USP8: variants seen among roughly 807,000 people sequenced by gnomAD.
The protein encoded by USP8 is ubiquitin specific peptidase 8, also known as ubiquitin carboxyl-terminal hydrolase 8.
USP8 carries 27 observed loss-of-function variants against 130.0 expected under a neutral mutation model. The observed-to-expected ratio is 0.21, with a 90% CI of 0.15 to 0.29. The LOEUF is 0.29. Among genes scored for constraint, USP8 ranks in the 10% least tolerant of loss-of-function variants. The pLI is 1.00. For synonymous variants in USP8, 392 were observed against 444.1 expected (o/e 0.88, Z 1.48); for missense variants, 1,029 against 1,312.2 (o/e 0.78, Z 3.33).
chr15:50,462,383 T>G (rs944100802), intron 6 of USP8, 61 bp downstream of exon 6: 14 of 1,442,216 alleles, frequency 9.7e-6, no homozygotes, highest in African/African-American at 2.9e-5. Context: ...TTAATCAGAA[T>G]AAGCATCAGG....
chr15:50,478,697 T>C (rs2051657100), intron 10 of USP8, among the ~76,000 whole-genome samples: 2 of 152,204 alleles, frequency 1.3e-5, no homozygotes, highest in Admixed American at 1.3e-4. Flanking sequence ...TCCTTTTGTG[T>C]CCCAACATAA....
chr15:50,449,855 AC>A (rs1446061671), intron 4 of USP8, among the ~76,000 whole-genome samples: 1 of 145,148 alleles, frequency 6.9e-6, no homozygotes, highest in East Asian at 2.1e-4. Context: ...TGCTGGGATT[AC>A]AGGTGTGGGC....
intron 7 of USP8, among the ~76,000 whole-genome samples, chr15:50,469,829 C>T (rs1053972944): frequency 1.4e-5 from 2 of 146,586 alleles, no homozygotes; most frequent in African/African-American, 4.9e-5. Context: ...TTATTAAATC[C>T]AATTTTTTTT....
chr15:50,454,293 A>G (rs1261322466), intron 4 of USP8, among the ~76,000 whole-genome samples: 7 of 151,798 alleles, frequency 4.6e-5, no homozygotes, highest in Non-Finnish European at 8.8e-5. Context: ...GATATTAAGC[A>G]TTTTTCTGCC....
intron 4 of USP8, among the ~76,000 whole-genome samples, chr15:50,449,774 G>C (rs62019081): frequency 2.6e-5 from 4 of 151,354 alleles, no homozygotes; most frequent in East Asian, 1.9e-4. Context: ...GTAGAGACAG[G>C]GTTTCACCAT....
chr15:50,447,122 T>G lies in USP8; in HGVS notation c.250-2278T>G, dbSNP rs189412966. Among the ~76,000 whole-genome samples, 20 of 152,342 alleles carry G rather than the reference T, an allele frequency of 1.3e-4. No individual in the cohort carries two copies. In the East Asian group the frequency reaches 1.5e-3, roughly 12 times the overall value. On this transcript the variant is annotated intron_variant, in intron 3 of 19. Transcript: ENST00000307179. ...GCTCAGGTCCAGTTTTTCTAAGTTA[T>G]TTATAATAATATTTGTAAATGTCTG...
chr15:50,469,986 C>T (rs980260676), intron 7 of USP8, among the ~76,000 whole-genome samples: 1 of 152,114 alleles, frequency 6.6e-6, no homozygotes, highest in African/African-American at 2.4e-5. Context: ...CATGCACCAC[C>T]ACTTCCAGCT....
At chr15:50,486,803 G>A (rs1200021023) in intron 12 of USP8, among the ~76,000 whole-genome samples, 1 of 152,192 alleles carries the variant, frequency 6.6e-6, no homozygotes, top group African/African-American at 2.4e-5. Context: ...CTGCTCAGGT[G>A]ATGGGTGCAC....
At chr15:50,435,319 G>C (rs1452979565) in intron 1 of USP8, among the ~76,000 whole-genome samples, 3 of 152,140 alleles carry the variant, frequency 2.0e-5, no homozygotes, top group Non-Finnish European at 4.4e-5. Flanking sequence ...CATGTACAGA[G>C]TTTTTTCTTG....
intron 8 of USP8, among the ~76,000 whole-genome samples, chr15:50,474,971 T>C (rs969474953): frequency 2.6e-5 from 4 of 152,048 alleles, no homozygotes; most frequent in Admixed American, 1.3e-4. Context: ...TTGCCGGGCA[T>C]GATGGCGGGC....
At chr15:50,465,521 T>G (rs937514892) in intron 7 of USP8, among the ~76,000 whole-genome samples, 1 of 152,188 alleles carries the variant, frequency 6.6e-6, no homozygotes, top group African/African-American at 2.4e-5. Flanking sequence ...GTTACGGATT[T>G]GCCAACTTTT....
intron 7 of USP8, among the ~76,000 whole-genome samples, chr15:50,470,823 C>T (rs2051349956): frequency 1.3e-5 from 2 of 152,058 alleles, no homozygotes; most frequent in African/African-American, 4.8e-5. Flanking sequence ...GTCTTGAACT[C>T]CTGACCTCAG....
rs530161086 is a variant in USP8, at chr15:50,425,995, C to CAT, written c.-66+1481_-66+1482insAT. ...AATTAGCTGGGCGTGGTGGTGCACG[C>CAT]CTGTAGTCCCAGCTACTCTGGAGGC... On this transcript the variant is annotated intron_variant, in intron 1 of 19. Coordinates refer to ENST00000307179, the MANE Select transcript of USP8 (RefSeq NM_005154.5). 3.6e-3 allele frequency among the ~76,000 whole-genome samples: 544 copies of CAT among 152,250 alleles called. 5 individuals carry two copies. Among genetic ancestry groups the CAT allele is most frequent in the African/African-American group, 0.012 (515 of 41,540 alleles).
rs1368619475 is a variant in USP8, at chr15:50,444,404, C to A, written c.249+2911C>A. 2.1e-5 allele frequency among the ~76,000 whole-genome samples: 3 copies of A among 145,942 alleles called. No individual in the cohort carries two copies. In the East Asian group the frequency reaches 5.8e-4, roughly 28 times the overall value. ...ACAGGCATGAGCCACCATGCCCAAC[C>A]AGTTTTTTTTTTTTAATGGTCTTGT... On this transcript the variant is annotated intron_variant, in intron 3 of 19. Transcript: ENST00000307179.
intron 3 of USP8, among the ~76,000 whole-genome samples, chr15:50,442,044 T>C (rs1448273333): frequency 6.8e-6 from 1 of 147,034 alleles, no homozygotes; most frequent in African/African-American, 2.5e-5. Flanking sequence ...TGGCGTGATA[T>C]CGGCTCACTG....
chr15:50,482,996 C>T (rs1288300346), intron 11 of USP8, among the ~76,000 whole-genome samples: 1 of 152,128 alleles, frequency 6.6e-6, no homozygotes, highest in East Asian at 1.9e-4. Context: ...TCTAAACACC[C>T]CAAATTGGGG....
rs11632717 is a variant in USP8 at position 50,514,383 on chromosome 15, T to C, written c.*15295T>C. On this transcript the variant is annotated 3_prime_UTR_variant, in exon 20 of 20. Transcript: ENST00000307179. Reference sequence around the variant, plus strand: ...TCCTCATGGTTTGTGTACTTTTCTGTATATATGTTTCACTTCAATAAAGTT... The same window carrying C: ...TCCTCATGGTTTGTGTACTTTTCTGCATATATGTTTCACTTCAATAAAGTT... 10,345 of 152,214 alleles carry C rather than the reference T, an allele frequency of 0.068. 562 individuals are homozygous for C. The highest frequency in any genetic ancestry group is 0.14 in the African/African-American group (5,781 of 41,492). The allele number at this position is 152,214 out of a possible 1,614,324, so 9.4% of individuals were successfully genotyped here.
chr15:50,473,433 A>G (rs1200372973), intron 8 of USP8, among the ~76,000 whole-genome samples: 1 of 152,194 alleles, frequency 6.6e-6, no homozygotes, highest in Non-Finnish European at 1.5e-5. Context: ...AAGTCTGTAC[A>G]TGCTCAGTAC....
At chr15:50,465,489 T>G (rs1333158162) in intron 7 of USP8, among the ~76,000 whole-genome samples, 1 of 152,138 alleles carries the variant, frequency 6.6e-6, no homozygotes, top group Non-Finnish European at 1.5e-5. Flanking sequence ...AAAGACACAC[T>G]CCACCCTTTT....
Sources: allele counts gnomAD v4.1 joint callset (sites outside exome capture counted in the v4.1 genomes callset), GRCh38; gene constraint gnomAD v4.1.1; transcripts MANE v1.5; gene names NCBI Gene and HGNC (gene_info 2026-07-23, HGNC 2026-07-21).